Variants in POLA1 observed in about 807,000 individuals in gnomAD.
POLA1 encodes DNA polymerase alpha 1, catalytic subunit, also known as DNA polymerase alpha catalytic subunit.
In POLA1, 15 loss-of-function variants were observed where a neutral mutation model predicts 124.0. That is an observed-to-expected ratio of 0.12 (90% confidence interval 0.08 to 0.19). The LOEUF (loss-of-function observed/expected upper bound fraction) is 0.19. POLA1 is among the 10% of genes least tolerant of loss of function. The probability of loss-of-function intolerance (pLI) is 1.00; values close to 1 mark genes in which losing one functional copy is unlikely to be tolerated. For missense variants in POLA1, 886 were observed against 1,103.4 expected (o/e 0.80, Z 2.79); for synonymous variants, 408 against 389.4 (o/e 1.05, Z -0.56).
intron 35 of POLA1, among the ~76,000 whole-genome samples, chrX:24,917,090 G>A (rs1398556744): frequency 2.1e-4 from 23 of 111,199 alleles, no homozygotes; most frequent in Admixed American, 2.0e-3. Flanking sequence ...GATCACTTGC[G>A]AGACCAGCCT....
intron 35 of POLA1, among the ~76,000 whole-genome samples, chrX:24,892,363 T>C (rs1015719242): frequency 9.0e-6 from 1 of 111,320 alleles, no homozygotes; most frequent in African/African-American, 3.3e-5. Context: ...CGTCACACAA[T>C]ATACCCATGT....
intron 15 of POLA1, among the ~76,000 whole-genome samples, chrX:24,731,059 T>C (rs1210655025): frequency 1.8e-5 from 2 of 112,387 alleles, no homozygotes; most frequent in Non-Finnish European, 1.9e-5. Flanking sequence ...TGGGTACTTA[T>C]ATCTCTAAGG....
intron 35 of POLA1, among the ~76,000 whole-genome samples, chrX:24,926,381 G>T (rs1004829322): frequency 9.0e-6 from 1 of 111,309 alleles, no homozygotes; most frequent in Non-Finnish European, 1.9e-5. Context: ...CTTGCTCTGC[G>T]TACTGATCAC....
At chrX:24,838,739 T>G (rs181400737) in intron 32 of POLA1, among the ~76,000 whole-genome samples, 1 of 112,671 alleles carries the variant, frequency 8.9e-6, no homozygotes, top group East Asian at 2.8e-4. Flanking sequence ...AAGTGTTTAA[T>G]TTTGGAGTGA....
In POLA1 at chrX:24,814,957, G is replaced by GTTTTT. The variant is rs749255466; in HGVS notation, c.3297-9_3297-5dup. ...AAAAATCAACTGCTGTCTTTGTTTTGTTTTTTTTTTTTTTTTTGCAGCTTT... is the reference window on the plus strand; with the variant it reads ...AAAAATCAACTGCTGTCTTTGTTTTGTTTTTTTTTTTTTTTTTTTTTTGCAGCTTT... On this transcript the variant is annotated intron_variant, in intron 29 of 36. Transcript: ENST00000379068. 257 of 857,117 alleles carry GTTTTT rather than the reference G, an allele frequency of 3.0e-4. 1 individual carries two copies. Among genetic ancestry groups the GTTTTT allele is most frequent in the South Asian group, 1.0e-3 (29 of 28,557 alleles). The allele number at this position is 857,117 out of a possible 1,213,427, so 70.6% of individuals were successfully genotyped here. A position where few individuals can be genotyped will look rare whatever the true frequency, so the allele number is the denominator to read the frequency against.
At chrX:24,789,814 A>G (rs2045457509) in intron 26 of POLA1, among the ~76,000 whole-genome samples, 1 of 112,366 alleles carries the variant, frequency 8.9e-6, no homozygotes, top group African/African-American at 3.2e-5. Context: ...GGAATAAAAT[A>G]TAATTCATCT....
intron 34 of POLA1, among the ~76,000 whole-genome samples, chrX:24,856,930 C>G (rs1039419141): frequency 1.8e-5 from 2 of 109,998 alleles, no homozygotes; most frequent in African/African-American, 6.6e-5. Context: ...ATATGTTGTC[C>G]CAGTCTGTAG....
chrX:24,729,765 G>A (rs1198699073), intron 15 of POLA1, among the ~76,000 whole-genome samples: 2 of 107,791 alleles, frequency 1.9e-5, no homozygotes, highest in Non-Finnish European at 1.9e-5. Context: ...AGTGTTTTCA[G>A]TATTTTCTGA....
chrX:24,744,329 A>G lies in POLA1; in HGVS notation c.2566+1000A>G, dbSNP rs1931862062. The G allele has an allele frequency of 2.2e-5, 5 of 231,625 alleles. No individual in the cohort carries two copies. In the Admixed American group the frequency reaches 2.2e-4, roughly 10 times the overall value. The allele number at this position is 231,625 out of a possible 1,213,427, so 19.1% of individuals were successfully genotyped here. On this transcript the variant is annotated intron_variant, in intron 23 of 36. Coordinates refer to ENST00000379068, the MANE Select transcript of POLA1 (RefSeq NM_001330360.2). ...CTCTGTAAGCCTCAGTTTCTTCTGT[A>G]AAATAGAGTTAAGAGTAATATCTAC...
chrX:24,903,158 G>A (rs1288233922), intron 35 of POLA1, among the ~76,000 whole-genome samples: 8 of 112,783 alleles, frequency 7.1e-5, no homozygotes, highest in Admixed American at 5.6e-4. Flanking sequence ...AATATTTCTT[G>A]CAGACAAAAT....
At chrX:24,912,323 C>T (rs1031318336) in intron 35 of POLA1, among the ~76,000 whole-genome samples, 1 of 112,014 alleles carries the variant, frequency 8.9e-6, no homozygotes, top group Non-Finnish European at 1.9e-5. Flanking sequence ...TGTTCTTAGA[C>T]ATGAAACTAA....
chrX:24,981,188 T>C (rs1467787175), intron 36 of POLA1, among the ~76,000 whole-genome samples: 1 of 112,538 alleles, frequency 8.9e-6, no homozygotes, highest in Non-Finnish European at 1.9e-5. Flanking sequence ...TGATGATTTA[T>C]CTGGAGTAAC....
chrX:24,735,981 A>G (rs763905941), intron 18 of POLA1, among the ~76,000 whole-genome samples: 1 of 111,558 alleles, frequency 9.0e-6, no homozygotes, highest in Non-Finnish European at 1.9e-5. Context: ...GCTTGAGCTA[A>G]TAATTCATTG....
intron 36 of POLA1, among the ~76,000 whole-genome samples, chrX:24,971,164 C>G (rs1264703614): frequency 8.9e-6 from 1 of 112,415 alleles, no homozygotes; most frequent in African/African-American, 3.2e-5. Flanking sequence ...TCACAAGAGG[C>G]AAAGGGTCAA....
chrX:24,771,828 T>C (rs746960464), intron 26 of POLA1, among the ~76,000 whole-genome samples: 17 of 112,059 alleles, frequency 1.5e-4, no homozygotes, highest in African/African-American at 5.5e-4. Context: ...TTCATGTGAT[T>C]CATCCTAATG....
intron 34 of POLA1, among the ~76,000 whole-genome samples, chrX:24,882,727 G>A (rs182259535): frequency 2.2e-4 from 21 of 95,923 alleles, no homozygotes; most frequent in Admixed American, 2.0e-3. Flanking sequence ...GTGTGTGTGT[G>A]TATCACATTT....
At chrX:24,748,191 C>A in intron 24 of POLA1, 120 bp from the exon 25 acceptor site, 1 of 492,572 alleles carries the variant, frequency 2.0e-6, no homozygotes. Context: ...CATTATTGAC[C>A]TTGTATAAGA....
chrX:24,787,753 T>C (rs759733709), intron 26 of POLA1, among the ~76,000 whole-genome samples: 2 of 112,195 alleles, frequency 1.8e-5, no homozygotes, highest in East Asian at 5.6e-4. Context: ...CTGTGAAAAA[T>C]GCCATTGGAA....
intron 34 of POLA1, among the ~76,000 whole-genome samples, chrX:24,877,058 A>G (rs1296617674): frequency 8.9e-6 from 1 of 112,023 alleles, no homozygotes; most frequent in African/African-American, 3.2e-5. Context: ...GTTTTGAACA[A>G]AAGGTCAAAT....
Sources: gnomAD v4.1 joint callset for allele counts (sites outside exome capture counted in the v4.1 genomes callset) on GRCh38, gnomAD v4.1.1 for gene constraint, MANE v1.5 for transcripts, NCBI Gene and HGNC (gene_info 2026-07-23, HGNC 2026-07-21) for gene names.